Variants in TENM2 observed in about 807,000 individuals in gnomAD.
TENM2 encodes the protein teneurin transmembrane protein 2, also known as teneurin-2.
In TENM2, 52 loss-of-function variants were observed where a neutral mutation model predicts 245.2. That is an observed-to-expected ratio of 0.21 (90% CI 0.17 to 0.27). The LOEUF is 0.27. Ranked by LOEUF, TENM2 falls within the 10% of genes least tolerant of loss-of-function variation. The probability of loss-of-function intolerance (pLI) is 1.00; values close to 1 mark genes in which losing one functional copy is unlikely to be tolerated. For synonymous variants in TENM2, 1,363 were observed against 1,438.9 expected, an observed-to-expected ratio of 0.95 and a Z score of 1.19; for missense variants, 3,046 against 3,666.8, an observed-to-expected ratio of 0.83 and a Z score of 4.37.
chr5:166,992,894 A>G, the TENM2 span, among the ~76,000 whole-genome samples: 6 of 152,214 alleles, frequency 3.9e-5, no homozygotes, highest in South Asian at 1.2e-3. Flanking sequence ...TTCCAAAAAC[A>G]AAACATAAAG....
chr5:167,167,853 C>A, the TENM2 span, among the ~76,000 whole-genome samples: 2 of 152,120 alleles, frequency 1.3e-5, no homozygotes, highest in Non-Finnish European at 2.9e-5. Context: ...ATAATTGTCC[C>A]TCTTAGAAGA....
At chr5:168,191,296 C>T (rs549257706) in intron 14 of TENM2, among the ~76,000 whole-genome samples, 3 of 152,336 alleles carry the variant, frequency 2.0e-5, no homozygotes, top group Admixed American at 2.0e-4. Context: ...GTCTTGGAGA[C>T]ACTTCCCCAC....
At chr5:167,493,582 G>C (rs938040381) in intron 2 of TENM2, among the ~76,000 whole-genome samples, 7 of 152,080 alleles carry the variant, frequency 4.6e-5, no homozygotes, top group African/African-American at 1.7e-4. Flanking sequence ...ATAAATATTT[G>C]CTATGATTAC....
At chr5:167,528,636 A>G (rs1771279691) in intron 2 of TENM2, among the ~76,000 whole-genome samples, 1 of 152,116 alleles carries the variant, frequency 6.6e-6, no homozygotes, top group Non-Finnish European at 1.5e-5. Flanking sequence ...AAAATTTTTT[A>G]ACTTTTTCAA....
chr5:167,045,623 T>G, the TENM2 span, among the ~76,000 whole-genome samples: 1 of 152,358 alleles, frequency 6.6e-6, no homozygotes, highest in East Asian at 1.9e-4. Flanking sequence ...CATGCTTAAC[T>G]CTGTACATAG....
exon 2 of TENM2, chr5:167,375,372 G>A: frequency 6.4e-7 from 1 of 1,551,714 alleles, no homozygotes; most frequent in Non-Finnish European, 8.7e-7. Flanking sequence ...CTGTGGGGCA[G>A]AGGGATAAAA....
chr5:166,989,723 A>C, the TENM2 span, among the ~76,000 whole-genome samples: 2 of 151,346 alleles, frequency 1.3e-5, no homozygotes, highest in East Asian at 3.9e-4. Context: ...ATTATTCCTT[A>C]TATGGAGAAT....
At chr5:167,763,372 T>G (rs1364151955) in intron 2 of TENM2, among the ~76,000 whole-genome samples, 1 of 152,194 alleles carries the variant, frequency 6.6e-6, no homozygotes, top group Non-Finnish European at 1.5e-5. Flanking sequence ...TTAGATTCTT[T>G]ATGCTGAGAG....
Position 167,422,162 on chromosome 5 carries a change from G to T in TENM2, c.502+46689G>T, listed in dbSNP as rs138549964. Among the ~76,000 whole-genome samples the T allele has an allele frequency of 5.1e-3, 776 of 152,242 alleles. 4 individuals are homozygous for T. The highest frequency in any genetic ancestry group is 0.018 in the African/African-American group (748 of 41,558). ...ATATTTATGACTTTTACAAGTAAAC[G>T]TCGTATTTGTTTGGCACTTGCAATA... On this transcript the variant is annotated intron_variant, in intron 2 of 28. Coordinates refer to ENST00000518659, the Ensembl canonical transcript of TENM2.
At chr5:167,177,712 T>A in the TENM2 span, among the ~76,000 whole-genome samples, 4 of 152,160 alleles carry the variant, frequency 2.6e-5, no homozygotes, top group African/African-American at 9.7e-5. Context: ...GGAAAGCAGT[T>A]GACATGTGGC....
intron 15 of TENM2, 101 bp downstream of exon 17, chr5:168,195,396 A>G: frequency 7.2e-7 from 1 of 1,398,012 alleles, no homozygotes; most frequent in Non-Finnish European, 9.7e-7. Context: ...CCCCTGGTGG[A>G]CTGGAATGTC....
At chr5:167,859,117 C>G (rs1310676866) in intron 2 of TENM2, among the ~76,000 whole-genome samples, 1 of 132,414 alleles carries the variant, frequency 7.6e-6, no homozygotes, top group Non-Finnish European at 1.7e-5. Context: ...CGCCTCTGCC[C>G]CGCCGCCCCA....
At chr5:167,807,124 T>TAAAAAAA (rs1178739925) in intron 2 of TENM2, among the ~76,000 whole-genome samples, 599 of 49,054 alleles carry the variant, frequency 0.012, 29 homozygotes, top group African/African-American at 0.019. Context: ...GCCCCTAGGT[T>TAAAAAAA]AAAAAAAAAA....
intron 9 of TENM2, among the ~76,000 whole-genome samples, chr5:168,101,924 C>T (rs1793845859): frequency 6.6e-6 from 1 of 152,168 alleles, no homozygotes; most frequent in South Asian, 2.1e-4. Context: ...CTAAAGCCTT[C>T]TTTCCCAGTC....
intron 2 of TENM2, among the ~76,000 whole-genome samples, chr5:167,499,171 T>C (rs1311796105): frequency 6.6e-6 from 1 of 152,134 alleles, no homozygotes; most frequent in African/African-American, 2.4e-5. Context: ...TGCTGTGATA[T>C]GTCCTTGTAT....
chr5:167,401,836 G>A (rs371795649), intron 2 of TENM2, among the ~76,000 whole-genome samples: 3 of 152,098 alleles, frequency 2.0e-5, no homozygotes, highest in Non-Finnish European at 4.4e-5. Flanking sequence ...GTTGTTTTCA[G>A]TTGTAACTTT....
chr5:167,923,627 G>T (rs1046028644), intron 3 of TENM2, among the ~76,000 whole-genome samples: 1 of 152,122 alleles, frequency 6.6e-6, no homozygotes, highest in African/African-American at 2.4e-5. Context: ...GTAAATGAAT[G>T]CCACATGTAT....
chr5:167,210,756 C>G, the TENM2 span, among the ~76,000 whole-genome samples: 4 of 152,288 alleles, frequency 2.6e-5, no homozygotes, highest in African/African-American at 2.4e-5. Flanking sequence ...AGCCACCGCG[C>G]CCGGCCTTCA....
At chr5:167,403,764 T>G (rs1189795468) in intron 2 of TENM2, among the ~76,000 whole-genome samples, 1 of 152,132 alleles carries the variant, frequency 6.6e-6, no homozygotes, top group African/African-American at 2.4e-5. Flanking sequence ...TAAATTATTC[T>G]GAAGGCATTA....
Sources: allele counts gnomAD v4.1 joint callset (sites outside exome capture counted in the v4.1 genomes callset), GRCh38; gene constraint gnomAD v4.1.1; transcripts MANE v1.5; gene names NCBI Gene and HGNC (gene_info 2026-07-23, HGNC 2026-07-21).